Variants in PCDH15 observed in about 807,000 individuals in gnomAD.
PCDH15 encodes protocadherin related 15, also known as protocadherin-15.
Under a neutral mutation model 178.5 loss-of-function variants are expected in PCDH15, and 129 were observed. The ratio of observed to expected loss-of-function variants is 0.72; its 90% CI spans 0.63 to 0.84. The LOEUF (loss-of-function observed/expected upper bound fraction) is 0.84. PCDH15 is among the 40% of genes least tolerant of loss of function. The probability of loss-of-function intolerance (pLI) is 0.00; values close to 1 mark genes in which losing one functional copy is unlikely to be tolerated. For missense variants in PCDH15, 2,230 were observed against 2,099.9 expected (o/e 1.06, Z -1.21); for synonymous variants, 800 against 732.0 (o/e 1.09, Z -1.50).
chr10:54,083,548 T>G (rs548672955), intron 16 of PCDH15, among the ~76,000 whole-genome samples: 18 of 152,312 alleles, frequency 1.2e-4, no homozygotes, highest in East Asian at 1.2e-3. Context: ...CATTGCATGA[T>G]TCCATTTCTG....
chr10:55,104,226 A>T (rs1441772716), intron 2 of PCDH15, among the ~76,000 whole-genome samples: 1 of 151,858 alleles, frequency 6.6e-6, no homozygotes, highest in East Asian at 1.9e-4. Context: ...GCACTTTCTT[A>T]TGCATTAAAA....
chr10:55,346,862 G>C (rs375665559), intron 2 of PCDH15, among the ~76,000 whole-genome samples: 20 of 151,962 alleles, frequency 1.3e-4, no homozygotes, highest in African/African-American at 4.1e-4. Context: ...GAGAATCCAG[G>C]AGAAGTTGGG....
intron 1 of PCDH15, among the ~76,000 whole-genome samples, chr10:54,718,532 A>G (rs1434517628): frequency 6.6e-6 from 1 of 152,060 alleles, no homozygotes; most frequent in Non-Finnish European, 1.5e-5. Flanking sequence ...CATACATTAT[A>G]GACACCTCCT....
intron 2 of PCDH15, among the ~76,000 whole-genome samples, chr10:55,540,368 T>A (rs1396797968): frequency 6.6e-6 from 1 of 152,002 alleles, no homozygotes; most frequent in Non-Finnish European, 1.5e-5. Context: ...ATTTAAATAA[T>A]ATGGGCATGA....
At chr10:53,914,197 A>G (rs892073498) in intron 25 of PCDH15, among the ~76,000 whole-genome samples, 16 of 152,200 alleles carry the variant, frequency 1.1e-4, no homozygotes, top group African/African-American at 3.9e-4. Context: ...ATTGTGGAAG[A>G]CAGTGTGGTG....
intron 1 of PCDH15, among the ~76,000 whole-genome samples, chr10:55,203,141 C>T (rs1007521328): frequency 1.3e-5 from 2 of 152,058 alleles, no homozygotes; most frequent in Non-Finnish European, 2.9e-5. Context: ...GACTCTAGCT[C>T]CTCCTGGACT....
At chr10:55,570,768 C>T (rs1166921930) in intron 2 of PCDH15, among the ~76,000 whole-genome samples, 1 of 151,928 alleles carries the variant, frequency 6.6e-6, no homozygotes, top group Non-Finnish European at 1.5e-5. Flanking sequence ...TATTGATTTC[C>T]ATCCAGACTT....
intron 1 of PCDH15, among the ~76,000 whole-genome samples, chr10:55,236,436 G>A (rs1189376527): frequency 6.6e-6 from 1 of 152,044 alleles, no homozygotes; most frequent in Non-Finnish European, 1.5e-5. Context: ...CATAATACAA[G>A]TGGTTTGATT....
chr10:54,895,153 T>C (rs1415708442), intron 3 of PCDH15, among the ~76,000 whole-genome samples: 1 of 152,290 alleles, frequency 6.6e-6, no homozygotes, highest in Admixed American at 6.5e-5. Flanking sequence ...TGTATCCTCA[T>C]TTTACCCTGT....
At chr10:55,451,982 T>C (rs1370061906) in intron 2 of PCDH15, among the ~76,000 whole-genome samples, 1 of 152,230 alleles carries the variant, frequency 6.6e-6, no homozygotes, top group African/African-American at 2.4e-5. Context: ...TGAATAGTTA[T>C]ACCAATTGTG....
At chr10:55,473,089 G>C (rs957035186) in intron 2 of PCDH15, among the ~76,000 whole-genome samples, 2 of 152,098 alleles carry the variant, frequency 1.3e-5, no homozygotes, top group African/African-American at 4.8e-5. Context: ...AATTTGGAAA[G>C]TCCTGAGTTA....
At chr10:53,932,532 G>C (rs2085155559) in intron 25 of PCDH15, among the ~76,000 whole-genome samples, 1 of 152,168 alleles carries the variant, frequency 6.6e-6, no homozygotes, top group Non-Finnish European at 1.5e-5. Context: ...AGTTGCCAAT[G>C]TTAAACTTGA....
intron 1 of PCDH15, among the ~76,000 whole-genome samples, chr10:54,721,418 CA>C (rs1228776782): frequency 6.6e-6 from 1 of 151,568 alleles, no homozygotes; most frequent in African/African-American, 2.4e-5. Context: ...AAATAAATAA[CA>C]AAAAGGACCA....
rs545617092 is a variant in PCDH15, at chr10:53,804,820, T to C, written c.*1759A>G. Reference sequence around the variant, plus strand: ...CATTGCTTCCAAAATTTAATGTGCATATAAACCACCTTAGGATCTTTTGAA... The same window carrying C: ...CATTGCTTCCAAAATTTAATGTGCACATAAACCACCTTAGGATCTTTTGAA... On this transcript the variant is annotated 3_prime_UTR_variant, in exon 38 of 38. Coordinates refer to ENST00000644397, the MANE Select transcript of PCDH15 (RefSeq NM_001384140.1). The C allele has an allele frequency of 6.6e-6, 1 of 152,136 alleles. No individual in the cohort carries two copies. The highest frequency in any genetic ancestry group is 6.6e-5 in the Admixed American group (1 of 15,230). 9.4% of individuals were successfully genotyped at this position (152,136 alleles called of 1,614,324 possible). A position where few individuals can be genotyped will look rare whatever the true frequency, so the allele number is the denominator to read the frequency against.
intron 8 of PCDH15, among the ~76,000 whole-genome samples, chr10:54,311,852 G>A (rs527571252): frequency 5.3e-5 from 8 of 152,026 alleles, no homozygotes; most frequent in East Asian, 3.9e-4. Context: ...GATATAAAGC[G>A]ATTTTTATTT....
chr10:55,574,897 A>G (rs1201039410), intron 2 of PCDH15, among the ~76,000 whole-genome samples: 1 of 152,100 alleles, frequency 6.6e-6, no homozygotes, highest in Admixed American at 6.6e-5. Flanking sequence ...CATTAATAAT[A>G]GACTTTTAGT....
intron 1 of PCDH15, among the ~76,000 whole-genome samples, chr10:55,254,971 CTTTAAG>C (rs1841950347): frequency 6.6e-6 from 1 of 150,560 alleles, no homozygotes; most frequent in African/African-American, 2.4e-5. Flanking sequence ...TTTTATTATA[CTTTAAG>C]TTTTAGGGTA....
At chr10:54,042,912 T>C (rs1001057255) in intron 18 of PCDH15, among the ~76,000 whole-genome samples, 4 of 152,232 alleles carry the variant, frequency 2.6e-5, no homozygotes, top group African/African-American at 9.6e-5. Context: ...GAGGAGTACT[T>C]GCCTTTGGAA....
chr10:54,898,451 TAAGAG>T (rs1954584763), intron 2 of PCDH15, among the ~76,000 whole-genome samples: 1 of 152,154 alleles, frequency 6.6e-6, no homozygotes, highest in South Asian at 2.1e-4. Flanking sequence ...AGTTAATATT[TAAGAG>T]AAGATAATTA....
Sources: allele counts gnomAD v4.1 joint callset (sites outside exome capture counted in the v4.1 genomes callset), GRCh38; gene constraint gnomAD v4.1.1; transcripts MANE v1.5; gene names NCBI Gene and HGNC (gene_info 2026-07-23, HGNC 2026-07-21).